Variants in TASOR observed in about 807,000 individuals in gnomAD.
The protein encoded by TASOR is protein TASOR.
In TASOR, 53 loss-of-function variants were observed where a neutral mutation model predicts 178.6. The observed-to-expected ratio is 0.30, with a 90% CI of 0.24 to 0.37. TASOR has a LOEUF of 0.37. TASOR is among the 10% of genes least tolerant of loss of function. TASOR has a pLI of 1.00. For synonymous variants in TASOR, 713 were observed against 696.2 expected (o/e 1.02, Z -0.38); for missense variants, 1,815 against 1,971.4 (o/e 0.92, Z 1.50).
In TASOR at chr3:56,624,972, G is replaced by A; in HGVS notation, c.4174C>T (p.Leu1392=). 1 of 1,614,144 alleles carries A rather than the reference G, an allele frequency of 6.2e-7. No individual in the cohort carries two copies. Among genetic ancestry groups the A allele is most frequent in the South Asian group, 1.1e-5 (1 of 91,082 alleles). ...NAKALSLLTL[L]NVYQKKHLVE... is the part of the protein sequence containing the mutation. ...AGATGTTTCTTCTGATAGACATTCAGAAGCGTCAACAGACTTAGAGCTTTA... is the reference window on the plus strand; with the variant it reads ...AGATGTTTCTTCTGATAGACATTCAAAAGCGTCAACAGACTTAGAGCTTTA... The change falls in exon 22 of 24, where the codon CTG becomes TTG. Residue 1392 remains leucine (L), a synonymous_variant. Coordinates refer to ENST00000683822, the MANE Select transcript of TASOR (RefSeq NM_001365635.2).
At chr3:56,627,895 AC>A (rs761630182) in intron 19 of TASOR, among the ~76,000 whole-genome samples, 154 bp from the exon 20 acceptor site, 3 of 152,178 alleles carry the variant, frequency 2.0e-5, no homozygotes, top group Non-Finnish European at 4.4e-5. Flanking sequence ...AATATTCCCA[AC>A]ATTATTTCCC....
rs1011752289 is a variant in TASOR at position 56,683,232 on chromosome 3, T to C, written c.-226A>G. 2 of 457,118 alleles carry C rather than the reference T, an allele frequency of 4.4e-6. No individual in the cohort carries two copies. The highest frequency in any genetic ancestry group is 3.8e-6 in the Non-Finnish European group (1 of 261,294). 28.3% of individuals were successfully genotyped at this position (457,118 alleles called of 1,614,324 possible). The stretch of plus-strand genomic sequence containing the variant: ...CGGAGCCGCTCCTCCCTCGGGCAGT[T>C]CTTCTGCCTTCCCCCGCCACTCAAC... On this transcript the variant is annotated 5_prime_UTR_variant, in exon 1 of 24. Coordinates refer to ENST00000683822, the MANE Select transcript of TASOR (RefSeq NM_001365635.2).
At position 56,671,688 on chromosome 3, in the gene TASOR, G is replaced by A. The variant is rs1212393458; in HGVS notation, c.482C>T (p.Thr161Ile). 3.2e-6 allele frequency: 5 copies of A among 1,544,218 alleles called. No homozygotes were observed. Among genetic ancestry groups the A allele is most frequent in the Non-Finnish European group, 3.5e-6 (4 of 1,142,420 alleles). Residue 161 changes from threonine (T) to isoleucine (I), a missense_variant, in exon 3 of 24, where the codon ACA (threonine) becomes ATA (isoleucine). Around this residue, in one of 5 missense-constraint regions of TASOR, gnomAD observed 504 missense variants for 645.3 expected, o/e 0.78. Coordinates refer to ENST00000683822, the MANE Select transcript of TASOR (RefSeq NM_001365635.2). The part of the protein sequence containing the change: ...VHNELLEKEF[T>I]EKRRELKFDG... ...AAACTTCAGTTCTCTTCGCTTTTCTGTAAACTAAATGAAATTAAAACTATA... is the reference window on the plus strand; with the variant it reads ...AAACTTCAGTTCTCTTCGCTTTTCTATAAACTAAATGAAATTAAAACTATA...
At chr3:56,625,433 A>C (rs1170336992) in intron 21 of TASOR, among the ~76,000 whole-genome samples, 2 of 152,178 alleles carry the variant, frequency 1.3e-5, no homozygotes, top group Admixed American at 6.5e-5. Context: ...GGATCACCTG[A>C]GATCAGGAGT....
At chr3:56,625,972 A>G (rs1229784240) in intron 21 of TASOR, among the ~76,000 whole-genome samples, 1 of 152,202 alleles carries the variant, frequency 6.6e-6, no homozygotes, top group Admixed American at 6.5e-5. Context: ...AGTGGAGATA[A>G]GCTTTTAAAA....
In TASOR at chr3:56,660,843, AG is replaced by A; in HGVS notation, c.1265-10del. The A allele has an allele frequency of 2.5e-6, 4 of 1,612,220 alleles. No homozygotes were observed. Among genetic ancestry groups the A allele is most frequent in the Non-Finnish European group, 3.4e-6 (4 of 1,179,138 alleles). ...CATTCCATTCTTCAAAACTGACATA[AG>A]AAAAATACATAGTAAATATCCAAAT... is the stretch of plus-strand genomic sequence containing the variant. On this transcript the variant is annotated splice_polypyrimidine_tract_variant and intron_variant, in intron 10 of 23. Transcript: ENST00000683822.
rs779799780 is a variant in TASOR, at chr3:56,633,954, G to C, written c.2837C>G (p.Pro946Arg). The change falls in exon 18 of 24, where the codon CCA becomes CGA. Residue 946 changes from proline to arginine, a missense_variant. Pro to Arg is a moderately radical substitution (Grantham distance 103). This residue lies in a region of TASOR where 655 missense variants were observed against 671.1 expected (regional missense o/e 0.98). Coordinates refer to ENST00000683822, the MANE Select transcript of TASOR (RefSeq NM_001365635.2). ...GEKQTPGMKS[P>R]EEQLVCVPPQ... Reference sequence around the variant, plus strand: ...TGGCACACACACCAGTTGTTCTTCTGGTGATTTCATACCTATACAGGAAGA... The same window carrying C: ...TGGCACACACACCAGTTGTTCTTCTCGTGATTTCATACCTATACAGGAAGA... The C allele has an allele frequency of 6.5e-7, 1 of 1,545,060 alleles. No homozygotes were observed. The highest frequency in any genetic ancestry group is 8.7e-7 in the Non-Finnish European group (1 of 1,144,292).
chr3:56,671,810 T>A lies in TASOR; in HGVS notation c.478-118A>T, dbSNP rs1217138511. ...TACCAAAATGGAAAAATAATCTCTA[T>A]CTCTCTATACTCTCTGTCCTTCAGT... On this transcript the variant is annotated intron_variant, in intron 2 of 23. Transcript: ENST00000683822. 8.6e-6 allele frequency: 6 copies of A among 700,792 alleles called. No individual in the cohort carries two copies. In the East Asian group the frequency reaches 1.6e-4, roughly 19 times the overall value. The allele number at this position is 700,792 out of a possible 1,614,324, so 43.4% of individuals were successfully genotyped here.
chr3:56,663,687 T>C (rs2077647659), intron 7 of TASOR, 115 bp from the exon 8 acceptor site: 2 of 1,102,478 alleles, frequency 1.8e-6, no homozygotes, highest in South Asian at 6.8e-5. Context: ...AAGTCCTTCC[T>C]CCAGGTAGGA....
Position 56,670,188 on chromosome 3 carries a change from A to T in TASOR, c.571-43T>A, listed in dbSNP as rs192145472. 52 of 1,171,990 alleles carry T rather than the reference A, an allele frequency of 4.4e-5. 1 individual carries two copies. The East Asian group carries it at 1.2e-3, about 28-fold the overall frequency. The allele number at this position is 1,171,990 out of a possible 1,614,324, so 72.6% of individuals were successfully genotyped here. On this transcript the variant is annotated intron_variant, in intron 3 of 23. Transcript: ENST00000683822. ...TACTTCATCTTGCAGTCATAACAACATTTAAAACATGAAAAAATAATTTTA... is the reference window on the plus strand; with the variant it reads ...TACTTCATCTTGCAGTCATAACAACTTTTAAAACATGAAAAAATAATTTTA...
At chr3:56,640,202 C>T in intron 15 of TASOR, 72 bp from the exon 16 acceptor site, 1 of 1,403,772 alleles carries the variant, frequency 7.1e-7, no homozygotes, top group Non-Finnish European at 9.9e-7. Flanking sequence ...ACTGTTTTTT[C>T]ACTGAAAATT....
chr3:56,621,464 A>T lies in TASOR; in HGVS notation c.*1573T>A. The T allele has an allele frequency of 1.9e-6, 2 of 1,032,310 alleles. No homozygotes were observed. The highest frequency in any genetic ancestry group is 1.4e-6 in the Non-Finnish European group (1 of 705,628). 63.9% of individuals were successfully genotyped at this position (1,032,310 alleles called of 1,614,324 possible). ...ATGTTTTCCAAGTGAATATAATTCT[A>T]GTTTAACACAACATTGCAAGTCAGG... On this transcript the variant is annotated 3_prime_UTR_variant, in exon 24 of 24. Transcript: ENST00000683822.
At chr3:56,661,185 C>T (rs1485440779) in intron 9 of TASOR, among the ~76,000 whole-genome samples, 168 bp from the exon 10 acceptor site, 1 of 152,206 alleles carries the variant, frequency 6.6e-6, no homozygotes, top group East Asian at 1.9e-4. Context: ...CTCACTCTGT[C>T]ACCTAGGCTA....
chr3:56,646,944 A>G lies in TASOR; in HGVS notation c.1793T>C (p.Ile598Thr). The change falls in exon 14 of 24, where the codon ATT (isoleucine) becomes ACT (threonine). Residue 598 changes from isoleucine (I) to threonine (T), a missense_variant. Physicochemically the swap from Ile to Thr is moderately conservative, Grantham distance 89 (BLOSUM62 -1). This residue lies in a region of TASOR where 504 missense variants were observed against 645.3 expected (regional missense o/e 0.78). Coordinates refer to ENST00000683822, the MANE Select transcript of TASOR (RefSeq NM_001365635.2). Reference sequence around the variant, plus strand: ...AATATAGGCATGCAAACAAGTATCAATATGGGATTTATTTCTGGGAGCTGA... The same window carrying G: ...AATATAGGCATGCAAACAAGTATCAGTATGGGATTTATTTCTGGGAGCTGA... ...LYSAPRNKSHIDTCLHAYIFR... is the reference protein window; with the variant it reads ...LYSAPRNKSHTDTCLHAYIFR... 1.2e-6 allele frequency: 2 copies of G among 1,612,172 alleles called. No homozygotes were observed. Among genetic ancestry groups the G allele is most frequent in the South Asian group, 1.1e-5 (1 of 90,182 alleles).
chr3:56,636,125 G>A (rs2077010668), intron 17 of TASOR, among the ~76,000 whole-genome samples: 1 of 151,672 alleles, frequency 6.6e-6, no homozygotes, highest in East Asian at 1.9e-4. Flanking sequence ...CCAACATGGT[G>A]AAACCTCGTC....
At chr3:56,655,266 A>C (rs900241518) in intron 11 of TASOR, among the ~76,000 whole-genome samples, 1 of 152,212 alleles carries the variant, frequency 6.6e-6, no homozygotes, top group Non-Finnish European at 1.5e-5. Context: ...TTCTTAGTAC[A>C]GATCCTAGAC....
Position 56,621,471 on chromosome 3 carries a change from C to T in TASOR, c.*1566G>A. ...CCAAGTGAATATAATTCTAGTTTAA[C>T]ACAACATTGCAAGTCAGGTGTGCAC... is the stretch of plus-strand genomic sequence containing the variant. On this transcript the variant is annotated 3_prime_UTR_variant, in exon 24 of 24. Transcript: ENST00000683822. The T allele has an allele frequency of 3.7e-6, 4 of 1,084,570 alleles. No homozygotes were observed. Among genetic ancestry groups the T allele is most frequent in the East Asian group, 5.0e-5 (2 of 40,274 alleles). The allele number at this position is 1,084,570 out of a possible 1,614,324, so 67.2% of individuals were successfully genotyped here.
intron 14 of TASOR, 58 bp downstream of exon 14, chr3:56,646,464 C>A (rs922419129): frequency 1.5e-5 from 21 of 1,407,324 alleles, no homozygotes; most frequent in Non-Finnish European, 2.0e-5. Context: ...CCCTCTGCTA[C>A]AAGAAAGAAC....
At chr3:56,642,577 T>C (rs988807483) in intron 14 of TASOR, among the ~76,000 whole-genome samples, 1 of 152,176 alleles carries the variant, frequency 6.6e-6, no homozygotes, top group Non-Finnish European at 1.5e-5. Context: ...TGACTCTAAT[T>C]ATGTAAACTT....
Sources: allele counts gnomAD v4.1 joint callset (sites outside exome capture counted in the v4.1 genomes callset), GRCh38; gene constraint gnomAD v4.1.1; regional missense constraint gnomAD v4.1.1; transcripts MANE v1.5; gene names NCBI Gene and HGNC (gene_info 2026-07-23, HGNC 2026-07-21).